GPC6: variants seen among roughly 807,000 people sequenced by gnomAD.
GPC6 encodes glypican 6, also known as glypican-6.
In GPC6, 14 loss-of-function variants were observed where a neutral mutation model predicts 55.2. That is an observed-to-expected ratio of 0.25 (90% CI 0.17 to 0.40). GPC6 has a LOEUF of 0.40. Among genes scored for constraint, GPC6 ranks in the 10% least tolerant of loss-of-function variants. The pLI is 1.00. For synonymous variants in GPC6, 278 were observed against 259.6 expected, an observed-to-expected ratio of 1.07 and a Z score of -0.68; for missense variants, 641 against 708.5, an observed-to-expected ratio of 0.90 and a Z score of 1.08.
intron 4 of GPC6, among the ~76,000 whole-genome samples, chr13:94,277,153 A>G (rs1230203524): frequency 6.6e-6 from 1 of 151,940 alleles, no homozygotes; most frequent in African/African-American, 2.4e-5. Flanking sequence ...ATGGTATCTC[A>G]CTGTGGTTTT....
At chr13:93,390,921 G>A (rs1399301672) in intron 1 of GPC6, among the ~76,000 whole-genome samples, 1 of 151,802 alleles carries the variant, frequency 6.6e-6, no homozygotes, top group Non-Finnish European at 1.5e-5. Flanking sequence ...AAAGTCACCA[G>A]TATATCACAA....
At chr13:94,233,011 TTGGTGG>T (rs1890778774) in intron 4 of GPC6, among the ~76,000 whole-genome samples, 2 of 130,602 alleles carry the variant, frequency 1.5e-5, no homozygotes, top group Non-Finnish European at 3.3e-5. Context: ...TTTTTTTTTT[TTGGTGG>T]GACCAGGAAA....
At position 94,072,647 on chromosome 13, in the gene GPC6, C is replaced by G. The variant is rs539184917; in HGVS notation, c.877+44753C>G. Among the ~76,000 whole-genome samples the G allele has an allele frequency of 1.3e-5, 2 of 152,170 alleles. 1 individual carries two copies. Among genetic ancestry groups the G allele is most frequent in the South Asian group, 4.1e-4 (2 of 4,836 alleles). On this transcript the variant is annotated intron_variant, in intron 4 of 8. Coordinates refer to ENST00000377047, the MANE Select transcript of GPC6 (RefSeq NM_005708.5). ...GATTAGAGGCGTGAGCCACCACACC[C>G]GGCCGCCCCTTGTATATAGACTTAT...
intron 4 of GPC6, among the ~76,000 whole-genome samples, chr13:94,076,162 G>A (rs1467818510): frequency 3.3e-5 from 5 of 151,074 alleles, no homozygotes; most frequent in African/African-American, 1.2e-4. Flanking sequence ...GATCATCCTA[G>A]CAGGTGTGAG....
intron 4 of GPC6, among the ~76,000 whole-genome samples, chr13:94,101,422 A>G (rs567446948): frequency 3.6e-4 from 55 of 152,308 alleles, no homozygotes; most frequent in Non-Finnish European, 6.9e-4. Flanking sequence ...CTGTAGCCCT[A>G]TCTGTAAGCC....
intron 1 of GPC6, among the ~76,000 whole-genome samples, chr13:93,496,345 G>A (rs994922739): frequency 1.3e-5 from 2 of 152,168 alleles, no homozygotes; most frequent in Non-Finnish European, 2.9e-5. Context: ...GACCCCTTGC[G>A]CTTCCCAAGT....
intron 2 of GPC6, among the ~76,000 whole-genome samples, chr13:93,800,889 T>C (rs989409483): frequency 6.6e-6 from 1 of 152,320 alleles, no homozygotes; most frequent in African/African-American, 2.4e-5. Flanking sequence ...TGAATCTGCC[T>C]GCCAGTGCTA....
chr13:93,602,420 T>G (rs1878054954), intron 2 of GPC6, among the ~76,000 whole-genome samples: 1 of 152,194 alleles, frequency 6.6e-6, no homozygotes, highest in African/African-American at 2.4e-5. Context: ...CCATTTAGAA[T>G]GGGTGGATAA....
chr13:93,890,988 T>C (rs1183000792), intron 3 of GPC6, among the ~76,000 whole-genome samples: 1 of 152,030 alleles, frequency 6.6e-6, no homozygotes, highest in East Asian at 1.9e-4. Flanking sequence ...TAGCGAGACA[T>C]GTCAAAAGAT....
At chr13:93,428,949 G>A (rs1385640405) in intron 1 of GPC6, among the ~76,000 whole-genome samples, 2 of 152,068 alleles carry the variant, frequency 1.3e-5, no homozygotes, top group South Asian at 2.1e-4. Flanking sequence ...TTGGTTGCTG[G>A]TGGCACCAGA....
At chr13:94,268,290 G>C (rs1891877658) in intron 4 of GPC6, among the ~76,000 whole-genome samples, 1 of 152,188 alleles carries the variant, frequency 6.6e-6, no homozygotes, top group Admixed American at 6.5e-5. Flanking sequence ...TTTTTGAAAA[G>C]TGTAGCAGCC....
At chr13:94,190,515 G>A (rs1227180987) in intron 4 of GPC6, among the ~76,000 whole-genome samples, 1 of 152,048 alleles carries the variant, frequency 6.6e-6, no homozygotes. Context: ...CCAGATTGAG[G>A]GACACTGAGG....
At chr13:93,840,895 C>T (rs531100790) in intron 3 of GPC6, among the ~76,000 whole-genome samples, 231 of 152,278 alleles carry the variant, frequency 1.5e-3, no homozygotes, top group Non-Finnish European at 2.6e-3. Context: ...GCTTGTAAAA[C>T]AGCTTTATGA....
intron 2 of GPC6, among the ~76,000 whole-genome samples, chr13:93,746,128 T>C (rs1884388597): frequency 6.6e-6 from 1 of 152,206 alleles, no homozygotes; most frequent in Non-Finnish European, 1.5e-5. Context: ...TGTTTTGATA[T>C]ACTACAAAAG....
intron 3 of GPC6, among the ~76,000 whole-genome samples, chr13:93,979,321 GTGTGTGTTTT>G (rs1880676667): frequency 7.3e-6 from 1 of 136,328 alleles, no homozygotes; most frequent in Admixed American, 7.2e-5. Flanking sequence ...GTGTGTGTTT[GTGTGTGTTTT>G]TTTGTGTGTG....
intron 6 of GPC6, among the ~76,000 whole-genome samples, chr13:94,380,842 G>A (rs1369928135): frequency 6.6e-6 from 1 of 152,112 alleles, no homozygotes; most frequent in African/African-American, 2.4e-5. Flanking sequence ...GCTGCATTTG[G>A]CTATCATGTC....
intron 6 of GPC6, among the ~76,000 whole-genome samples, chr13:94,334,956 T>C (rs1877605362): frequency 6.6e-6 from 1 of 152,220 alleles, no homozygotes; most frequent in African/African-American, 2.4e-5. Flanking sequence ...AGTCAAACTA[T>C]TAGACACCAT....
At chr13:93,900,790 T>C (rs1876304262) in intron 3 of GPC6, among the ~76,000 whole-genome samples, 1 of 152,274 alleles carries the variant, frequency 6.6e-6, no homozygotes, top group African/African-American at 2.4e-5. Context: ...CAAATAAAGA[T>C]GATGTGTGAA....
intron 1 of GPC6, among the ~76,000 whole-genome samples, chr13:93,520,780 AC>A (rs1395501342): frequency 6.6e-6 from 1 of 151,822 alleles, no homozygotes; most frequent in African/African-American, 2.4e-5. Context: ...CATGGAGATG[AC>A]ATAATAAACT....
Sources: gnomAD v4.1 joint callset for allele counts (sites outside exome capture counted in the v4.1 genomes callset) on GRCh38, gnomAD v4.1.1 for gene constraint, MANE v1.5 for transcripts, NCBI Gene and HGNC (gene_info 2026-07-23, HGNC 2026-07-21) for gene names.